Variants in PDE8A observed in about 807,000 individuals in gnomAD.
PDE8A encodes phosphodiesterase 8A.
In PDE8A, 59 loss-of-function variants were observed where a neutral mutation model predicts 105.0. That is an observed-to-expected ratio of 0.56 (90% CI 0.46 to 0.70). The LOEUF is 0.70. PDE8A is among the 30% of genes least tolerant of loss of function. The pLI is 0.00. For missense variants in PDE8A, 1,014 were observed against 1,045.9 expected, an observed-to-expected ratio of 0.97 and a Z score of 0.42; for synonymous variants, 355 against 371.9, an observed-to-expected ratio of 0.95 and a Z score of 0.52.
intron 1 of PDE8A, among the ~76,000 whole-genome samples, chr15:85,002,611 C>T (rs2080084796): frequency 6.6e-6 from 1 of 152,238 alleles, no homozygotes; most frequent in Non-Finnish European, 1.5e-5. Context: ...ATTTCCTCTC[C>T]ACTTGATCTT....
chr15:85,066,601 C>CACACACACACACAT (rs2081230900), intron 2 of PDE8A, among the ~76,000 whole-genome samples: 2 of 65,288 alleles, frequency 3.1e-5, no homozygotes, highest in African/African-American at 2.2e-4. Flanking sequence ...CACACACACA[C>CACACACACACACAT]ACACACACAC....
At chr15:85,033,269 C>G (rs2080646265) in intron 1 of PDE8A, among the ~76,000 whole-genome samples, 2 of 152,164 alleles carry the variant, frequency 1.3e-5, no homozygotes, top group Non-Finnish European at 2.9e-5. Context: ...AATGAGCACA[C>G]AAGCTGATGG....
At chr15:85,089,250 CAAAA>C in intron 6 of PDE8A, 84 bp from the exon 7 acceptor site, 1 of 742,272 alleles carries the variant, frequency 1.3e-6, no homozygotes, top group South Asian at 1.7e-5. Context: ...ATAAATCGGA[CAAAA>C]AATACATTTA....
chr15:85,115,556 A>G (rs748444292), intron 15 of PDE8A, 69 bp downstream of exon 15: 1 of 784,338 alleles, frequency 1.3e-6, no homozygotes, highest in Non-Finnish European at 2.0e-6. Flanking sequence ...AGTGATGAAA[A>G]TAATTTTTCA....
chr15:85,017,901 C>CAAAAAAA (rs1471033329), intron 1 of PDE8A, among the ~76,000 whole-genome samples: 2 of 44,736 alleles, frequency 4.5e-5, no homozygotes, highest in Non-Finnish European at 1.0e-4. Flanking sequence ...AAAAAAAAAG[C>CAAAAAAA]AATAGTGGGA....
intron 1 of PDE8A, among the ~76,000 whole-genome samples, chr15:85,010,461 C>G (rs1331710103): frequency 2.0e-5 from 3 of 152,188 alleles, no homozygotes; most frequent in African/African-American, 7.2e-5. Context: ...CCCTCTCTTC[C>G]TTACACACAG....
chr15:85,115,438 G>T lies in PDE8A; in HGVS notation c.1351-1G>T. On this transcript the variant is annotated splice_acceptor_variant, in intron 14 of 21. Transcript: ENST00000394553. LOFTEE classifies it high-confidence loss of function. ...TTTCTTGTTTCCTTGATTTTTATCA[G>T]GATGGTTTGCGAAGACTATCAGGGA... 1.3e-6 allele frequency: 2 copies of T among 1,538,586 alleles called. No individual in the cohort carries two copies. The highest frequency in any genetic ancestry group is 1.8e-6 in the Non-Finnish European group (2 of 1,140,744).
intron 1 of PDE8A, among the ~76,000 whole-genome samples, chr15:85,035,197 C>CTTTTTTTTTTTT: frequency 1.7e-5 from 1 of 57,766 alleles, no homozygotes; most frequent in Non-Finnish European, 3.0e-5. Context: ...TGGGTATTTC[C>CTTTTTTTTTTTT]TTTTTTTTTT....
intron 14 of PDE8A, among the ~76,000 whole-genome samples, chr15:85,114,804 C>T (rs1567295525): frequency 6.6e-6 from 1 of 152,104 alleles, no homozygotes; most frequent in Non-Finnish European, 1.5e-5. Context: ...GGGTCTCCTC[C>T]AGACTGCAGG....
intron 17 of PDE8A, 75 bp from the exon 18 acceptor site, chr15:85,120,722 A>T (rs903539435): frequency 9.3e-6 from 8 of 856,802 alleles, no homozygotes; most frequent in Non-Finnish European, 1.5e-5. Context: ...GTAATAGGGG[A>T]GAAAGAAAAC....
At chr15:85,017,901 C>CAAAAAA (rs1471033329) in intron 1 of PDE8A, among the ~76,000 whole-genome samples, 3 of 44,736 alleles carry the variant, frequency 6.7e-5, no homozygotes, top group Non-Finnish European at 1.5e-4. Flanking sequence ...AAAAAAAAAG[C>CAAAAAA]AATAGTGGGA....
chr15:84,981,220 C>G (rs1247498319), upstream of PDE8A, among the ~76,000 whole-genome samples: 2 of 152,180 alleles, frequency 1.3e-5, no homozygotes, highest in Non-Finnish European at 2.9e-5. Context: ...TCTGGGTAGC[C>G]CAGTCGGGCG....
At chr15:85,108,682 T>C (rs2081979825) in intron 11 of PDE8A, among the ~76,000 whole-genome samples, 1 of 152,062 alleles carries the variant, frequency 6.6e-6, no homozygotes, top group African/African-American at 2.4e-5. Flanking sequence ...AAATAAAAGA[T>C]TTTTTTTCTT....
upstream of PDE8A, chr15:84,980,523 C>T (rs1236827158): frequency 6.6e-6 from 1 of 152,378 alleles, no homozygotes; most frequent in Non-Finnish European, 1.5e-5. Flanking sequence ...TCGGAGAGGA[C>T]AGGAAGGAGC....
chr15:85,080,344 G>A lies in PDE8A; in HGVS notation c.547-3212G>A, dbSNP rs142663054. On this transcript the variant is annotated intron_variant, in intron 5 of 21. Transcript: ENST00000394553. ...CAGTTTACTTAGCCAGCAGTAAGGC[G>A]TCCCAGGTTGGAAGTCAGAAGTCCC... is the stretch of plus-strand genomic sequence containing the variant. Among the ~76,000 whole-genome samples the A allele has an allele frequency of 3.2e-4, 48 of 152,264 alleles. No individual in the cohort carries two copies. The East Asian group carries it at 6.0e-3, about 19-fold the overall frequency.
At chr15:85,024,436 G>C (rs558201339) in intron 1 of PDE8A, among the ~76,000 whole-genome samples, 1 of 152,196 alleles carries the variant, frequency 6.6e-6, no homozygotes, top group Non-Finnish European at 1.5e-5. Context: ...TTTTTCTGAA[G>C]TTACAAGCCC....
intron 18 of PDE8A, 102 bp downstream of exon 18, chr15:85,121,116 G>A: frequency 1.3e-6 from 1 of 754,700 alleles, no homozygotes; most frequent in South Asian, 1.8e-5. Context: ...CATTTAAAGT[G>A]CACAAAGTAT....
At chr15:85,078,548 CAAAAAA>C (rs72174562) in intron 5 of PDE8A, among the ~76,000 whole-genome samples, 3 of 94,346 alleles carry the variant, frequency 3.2e-5, no homozygotes, top group Non-Finnish European at 4.3e-5. Context: ...TACTCCATCT[CAAAAAA>C]AAAAAAAAAA....
At chr15:85,134,114 C>G (rs1187997316) in intron 20 of PDE8A, among the ~76,000 whole-genome samples, 7 of 152,214 alleles carry the variant, frequency 4.6e-5, no homozygotes, top group African/African-American at 1.7e-4. Context: ...CCTGGACGTT[C>G]CATGCACTTG....
Sources: allele counts gnomAD v4.1 joint callset (sites outside exome capture counted in the v4.1 genomes callset), GRCh38; gene constraint gnomAD v4.1.1; transcripts MANE v1.5; gene names NCBI Gene and HGNC (gene_info 2026-07-23, HGNC 2026-07-21).